Variants in GLP1R observed in about 807,000 individuals in gnomAD.
GLP1R encodes glucagon-like peptide 1 receptor.
GLP1R carries 32 observed loss-of-function variants against 68.4 expected under a neutral mutation model. The ratio of observed to expected loss-of-function variants is 0.47; its 90% confidence interval spans 0.35 to 0.63. The LOEUF (loss-of-function observed/expected upper bound fraction) is 0.63. GLP1R is among the 20% of genes least tolerant of loss of function. The pLI is 0.00. For missense variants in GLP1R, 502 were observed against 594.9 expected (o/e 0.84, Z 1.62); for synonymous variants, 263 against 244.4 (o/e 1.08, Z -0.71).
chr6:39,068,900 TA>T (rs1427960459), intron 5 of GLP1R, among the ~76,000 whole-genome samples: 1 of 152,254 alleles, frequency 6.6e-6, no homozygotes, highest in Non-Finnish European at 1.5e-5. Flanking sequence ...CTAATTTTAT[TA>T]AATGTTCACT....
intron 5 of GLP1R, among the ~76,000 whole-genome samples, 169 bp downstream of exon 5, chr6:39,066,472 G>A (rs9296277): frequency 0.45 from 69,054 of 151,974 alleles, 16,362 homozygotes; most frequent in Non-Finnish European, 0.51. Context: ...AACACAGGAT[G>A]TGATACTGTG....
chr6:39,069,536 G>A (rs192672932), intron 5 of GLP1R, among the ~76,000 whole-genome samples: 1 of 150,108 alleles, frequency 6.7e-6, no homozygotes, highest in Admixed American at 6.7e-5. Flanking sequence ...GGGAGGCTGA[G>A]GCAGGAGAAT....
At chr6:39,073,834 T>C in intron 7 of GLP1R, 65 bp downstream of exon 7, 3 of 1,451,492 alleles carry the variant, frequency 2.1e-6, no homozygotes, top group Non-Finnish European at 2.9e-6. Flanking sequence ...ACCCCTCTTC[T>C]AACATGGTAC....
chr6:39,053,227 A>G (rs911367781), intron 1 of GLP1R, among the ~76,000 whole-genome samples: 2 of 152,120 alleles, frequency 1.3e-5, no homozygotes, highest in African/African-American at 4.8e-5. Context: ...CAGAACCCAC[A>G]GCCCCACCTT....
chr6:39,064,519 C>T (rs1768445585), intron 3 of GLP1R, among the ~76,000 whole-genome samples: 2 of 152,126 alleles, frequency 1.3e-5, no homozygotes, highest in African/African-American at 4.8e-5. Flanking sequence ...CCCTGTTCTT[C>T]CTACAGGTCA....
Position 39,065,803 on chromosome 6 carries a change from T to A in GLP1R, c.376T>A (p.Cys126Ser). The A allele has an allele frequency of 6.2e-7, 1 of 1,604,348 alleles. No individual in the cohort carries two copies. Among genetic ancestry groups the A allele is most frequent in the Non-Finnish European group, 8.5e-7 (1 of 1,175,130 alleles). The change falls in exon 4 of 13, where the codon TGC (cysteine) becomes AGC (serine). Residue 126 changes from cysteine (C) to serine (S), a missense_variant. Cys to Ser is a moderately radical substitution (Grantham distance 112). Coordinates refer to ENST00000373256, the MANE Select transcript of GLP1R (RefSeq NM_002062.5). ...SSLPWRDLSE[C>S]EESKRGERSS... ...CCTGCCCTGGAGGGACTTGTCGGAG[T>A]GCGAGGAGTCCAAGCGAGGGGAAAG...
intron 12 of GLP1R, among the ~76,000 whole-genome samples, chr6:39,085,640 G>A (rs1302583915): frequency 6.6e-6 from 1 of 152,160 alleles, no homozygotes; most frequent in East Asian, 1.9e-4. Flanking sequence ...GATTGTAAAA[G>A]GTACTTAGCT....
chr6:39,056,777 C>T (rs990278862), intron 2 of GLP1R, among the ~76,000 whole-genome samples: 3 of 152,206 alleles, frequency 2.0e-5, no homozygotes, highest in Non-Finnish European at 2.9e-5. Context: ...TTGCTGTAGT[C>T]TGCTTTGGGG....
At chr6:39,069,807 C>T (rs1180205361) in intron 5 of GLP1R, among the ~76,000 whole-genome samples, 21 of 152,192 alleles carry the variant, frequency 1.4e-4, no homozygotes, top group Admixed American at 1.4e-3. Flanking sequence ...TGACTCCCCA[C>T]TCTCGGTACC....
intron 7 of GLP1R, 80 bp from the exon 8 acceptor site, chr6:39,078,242 G>C (rs1768886196): frequency 2.0e-6 from 2 of 993,834 alleles, no homozygotes; most frequent in African/African-American, 3.2e-5. Context: ...AGGGGCTTGG[G>C]GCAGGGAGAG....
chr6:39,065,585 A>C, intron 3 of GLP1R, 126 bp from the exon 4 acceptor site: 1 of 611,846 alleles, frequency 1.6e-6, no homozygotes, highest in South Asian at 1.9e-5. Flanking sequence ...GGATGTCACT[A>C]ACTCAGAGTA....
intron 2 of GLP1R, 47 bp from the exon 3 acceptor site, chr6:39,057,425 T>C: frequency 1.6e-6 from 2 of 1,234,888 alleles, no homozygotes; most frequent in South Asian, 2.5e-5. Context: ...GAAAGGGCCA[T>C]GGCCAGTCAC....
In GLP1R at chr6:39,079,037, G is replaced by C. The variant is rs769093397; in HGVS notation, c.954+11G>C. On this transcript the variant is annotated intron_variant, in intron 9 of 12. Transcript: ENST00000373256. This position sits in a 1 kb window ranked among gnomAD's most constrained non-coding sequence, Gnocchi z 4.5. ...CTCTTTGCCATTGGGGTGAGTGATG[G>C]TGTCAGGGATGGGAGTGGCAGCTAT... 1.9e-6 allele frequency: 3 copies of C among 1,613,452 alleles called. No homozygotes were observed. The Admixed American group carries it at 5.0e-5, about 27-fold the overall frequency.
chr6:39,054,061 C>G (rs1316232846), intron 1 of GLP1R, among the ~76,000 whole-genome samples: 1 of 152,086 alleles, frequency 6.6e-6, no homozygotes, highest in Non-Finnish European at 1.5e-5. Flanking sequence ...CCCAGCCCCA[C>G]CTCACAGTCC....
chr6:39,057,391 G>A, intron 2 of GLP1R, 81 bp from the exon 3 acceptor site: 1 of 859,350 alleles, frequency 1.2e-6, no homozygotes, highest in Non-Finnish European at 2.0e-6. Flanking sequence ...CTCCGAGGAG[G>A]GGAGGGGTCT....
Position 39,079,531 on chromosome 6 carries a change from A to T in GLP1R, c.1044-33A>T. On this transcript the variant is annotated intron_variant, in intron 10 of 12. Transcript: ENST00000373256. The surrounding 1 kb of genome is among the most constrained non-coding windows in gnomAD (Gnocchi z 4.5). ...GAAGAAGAGTCCATGGGAGAGGTCCAGAATGACTCGAGATCTCTGCCCTGC... is the reference window on the plus strand; with the variant it reads ...GAAGAAGAGTCCATGGGAGAGGTCCTGAATGACTCGAGATCTCTGCCCTGC... 6.4e-7 allele frequency: 1 copy of T among 1,559,392 alleles called. No individual in the cohort carries two copies. The highest frequency in any genetic ancestry group is 1.4e-5 in the African/African-American group (1 of 72,642).
chr6:39,087,939 T>G lies in GLP1R; in HGVS notation c.*1866T>G, dbSNP rs1583658069. Among the ~76,000 whole-genome samples the G allele has an allele frequency of 6.6e-6, 1 of 152,284 alleles. No homozygotes were observed. Among genetic ancestry groups the G allele is most frequent in the Admixed American group, 6.5e-5 (1 of 15,290 alleles). On this transcript the variant is annotated 3_prime_UTR_variant, in exon 13 of 13. Transcript: ENST00000373256. The stretch of plus-strand genomic sequence containing the variant: ...AAGCGTGGGCACCAGTGGGTTGATG[T>G]GGGAAACAGTGCTGGTGCAAGTGTT...
Position 39,079,642 on chromosome 6 carries a change from C to A in GLP1R, c.1122C>A (p.His374Gln). 2 of 1,611,786 alleles carry A rather than the reference C, an allele frequency of 1.2e-6. No individual in the cohort carries two copies. Among genetic ancestry groups the A allele is most frequent in the African/African-American group, 2.7e-5 (2 of 74,920 alleles). Residue 374 changes from histidine (H) to glutamine (Q), a missense_variant, in exon 11 of 13, where the codon CAC becomes CAA. By Grantham distance (24) the His-to-Gln change is conservative. Coordinates refer to ENST00000373256, the MANE Select transcript of GLP1R (RefSeq NM_002062.5). The surrounding 1 kb of genome is among the most constrained non-coding windows in gnomAD (Gnocchi z 4.5). Reference protein sequence around the residue: ...EVIFAFVMDEHARGTLRFIKL... With the variant: ...EVIFAFVMDEQARGTLRFIKL... ...TCTTTGCCTTTGTGATGGACGAGCA[C>A]GCCCGGGGGACCCTGCGCTTCATCA...
intron 3 of GLP1R, among the ~76,000 whole-genome samples, 194 bp downstream of exon 3, chr6:39,057,773 C>A (rs1012099008): frequency 5.9e-5 from 9 of 151,378 alleles, no homozygotes; most frequent in Non-Finnish European, 1.0e-4. Context: ...CCCTCCCTAA[C>A]CTGGTACCTG....
Sources: gnomAD v4.1 joint callset for allele counts (sites outside exome capture counted in the v4.1 genomes callset) on GRCh38, gnomAD v4.1.1 for gene constraint, Gnocchi (gnomAD v3.1) non-coding constraint, MANE v1.5 for transcripts, NCBI Gene and HGNC (gene_info 2026-07-23, HGNC 2026-07-21) for gene names.